Variants in DPP10 observed in about 807,000 individuals in gnomAD.
DPP10 encodes dipeptidyl peptidase like 10.
DPP10 carries 33 observed loss-of-function variants against 120.9 expected under a neutral mutation model. The ratio of observed to expected loss-of-function variants is 0.27; its 90% confidence interval spans 0.21 to 0.37. The LOEUF (loss-of-function observed/expected upper bound fraction) is 0.37, where lower values mean the gene tolerates loss of function less well. Ranked by LOEUF, DPP10 falls within the 10% of genes least tolerant of loss-of-function variation. The probability of loss-of-function intolerance (pLI) is 1.00; values close to 1 mark genes in which losing one functional copy is unlikely to be tolerated. For missense variants in DPP10, 816 were observed against 942.8 expected, an observed-to-expected ratio of 0.87 and a Z score of 1.76; for synonymous variants, 337 against 326.1, an observed-to-expected ratio of 1.03 and a Z score of -0.36.
intron 5 of DPP10, among the ~76,000 whole-genome samples, chr2:115,627,402 C>CAGGTTA (rs1475137910): frequency 2.0e-5 from 3 of 152,104 alleles, no homozygotes; most frequent in African/African-American, 7.2e-5. Flanking sequence ...ACAGGTTGCA[C>CAGGTTA]TTGGGAACAA....
chr2:114,780,364 C>T (rs1000970371), intron 1 of DPP10, among the ~76,000 whole-genome samples: 1 of 152,080 alleles, frequency 6.6e-6, no homozygotes, highest in African/African-American at 2.4e-5. Context: ...CATGTGTGAT[C>T]TTTATATTCT....
rs78262471 is a variant in DPP10, at chr2:115,245,684, T to C, written c.61-63555T>C. Among the ~76,000 whole-genome samples, 216 of 152,268 alleles carry C rather than the reference T, an allele frequency of 1.4e-3. 2 individuals are homozygous for C. Among genetic ancestry groups the C allele is most frequent in the African/African-American group, 4.6e-3 (193 of 41,560 alleles). ...AGAAAAAAAGACCCTTGCACATGCA[T>C]GTTTATACCATTGCTTTTAGATTTT... On this transcript the variant is annotated intron_variant, in intron 1 of 25. Transcript: ENST00000410059.
chr2:115,675,967 G>A (rs994665798), intron 5 of DPP10, among the ~76,000 whole-genome samples: 12 of 152,158 alleles, frequency 7.9e-5, no homozygotes, highest in Non-Finnish European at 1.8e-4. Flanking sequence ...AGCTGTGACT[G>A]TTGTACTGAA....
chr2:115,354,692 C>T lies in DPP10; in HGVS notation c.271+10780C>T, dbSNP rs146959875. 5.3e-3 allele frequency among the ~76,000 whole-genome samples: 809 copies of T among 151,830 alleles called. 8 individuals are homozygous for T. Among genetic ancestry groups the T allele is most frequent in the Middle Eastern group, 0.021 (6 of 292 alleles). ...ACCTACTGATTTGTCCTCTAAGTTC[C>T]CTCCCCTCGCCCCCCACCCAACAAT... On this transcript the variant is annotated intron_variant, in intron 3 of 25. Transcript: ENST00000410059.
At chr2:115,825,510 C>G (rs1688218684) in intron 21 of DPP10, among the ~76,000 whole-genome samples, 1 of 152,068 alleles carries the variant, frequency 6.6e-6, no homozygotes, top group South Asian at 2.1e-4. Flanking sequence ...TTTTTTGTTG[C>G]AGAGACATTT....
At chr2:114,812,516 A>G (rs1336012174) in intron 1 of DPP10, among the ~76,000 whole-genome samples, 3 of 150,962 alleles carry the variant, frequency 2.0e-5, no homozygotes, top group Non-Finnish European at 4.4e-5. Flanking sequence ...TGAGCCTAGG[A>G]GTTTGAGACT....
intron 19 of DPP10, among the ~76,000 whole-genome samples, chr2:115,808,005 C>A (rs1421082470): frequency 6.8e-6 from 1 of 146,712 alleles, no homozygotes. Flanking sequence ...AGTTCAGAGG[C>A]ACTCTGGATT....
chr2:115,777,994 T>C (rs1682320908), intron 15 of DPP10, among the ~76,000 whole-genome samples, 160 bp downstream of exon 15: 1 of 152,106 alleles, frequency 6.6e-6, no homozygotes, highest in Non-Finnish European at 1.5e-5. Flanking sequence ...AGTCTCTCCC[T>C]TGACAGGACT....
At chr2:115,205,360 ATTAC>A (rs765623483) in intron 1 of DPP10, among the ~76,000 whole-genome samples, 3 of 152,038 alleles carry the variant, frequency 2.0e-5, no homozygotes, top group Non-Finnish European at 4.4e-5. Context: ...TTTTTTCTTT[ATTAC>A]TTATTTCTGT....
rs2079946218 is a variant in DPP10 at position 115,552,644 on chromosome 2, T to C, written c.441+26672T>C. ...TGATAAAACAGGGGCAAATTTTTAA[T>C]AATTTTTAAATGTGTTTTTGTTGAC... On this transcript the variant is annotated intron_variant, in intron 5 of 25. Transcript: ENST00000410059. Among the ~76,000 whole-genome samples, 4 of 152,168 alleles carry C rather than the reference T, an allele frequency of 2.6e-5. No homozygotes were observed. In the Middle Eastern group the frequency reaches 0.01, roughly 388 times the overall value.
intron 5 of DPP10, among the ~76,000 whole-genome samples, chr2:115,566,431 G>GTGTT (rs1311771296): frequency 2.0e-5 from 3 of 151,672 alleles, no homozygotes; most frequent in East Asian, 3.9e-4. Context: ...ATTCATTCAT[G>GTGTT]TGTTTATTTA....
intron 1 of DPP10, among the ~76,000 whole-genome samples, chr2:114,756,949 G>A (rs1409847205): frequency 6.6e-6 from 1 of 152,046 alleles, no homozygotes; most frequent in African/African-American, 2.4e-5. Context: ...TTACATATGA[G>A]GTTACACAGT....
At chr2:114,692,813 T>C (rs1328639015) in intron 1 of DPP10, among the ~76,000 whole-genome samples, 1 of 152,152 alleles carries the variant, frequency 6.6e-6, no homozygotes, top group Non-Finnish European at 1.5e-5. Flanking sequence ...CTTGCTTAAT[T>C]GAACCCTTTA....
intron 2 of DPP10, among the ~76,000 whole-genome samples, chr2:115,337,386 A>G (rs76409100): frequency 0.027 from 4,149 of 152,176 alleles, 191 homozygotes; most frequent in African/African-American, 0.094. Flanking sequence ...AAAAGATGCT[A>G]TTAATACATT....
intron 1 of DPP10, among the ~76,000 whole-genome samples, chr2:114,993,567 T>A (rs1700877010): frequency 1.8e-5 from 1 of 56,648 alleles, no homozygotes; most frequent in South Asian, 6.8e-4. Flanking sequence ...TCTTATTATG[T>A]GTGTGTGTGT....
At chr2:114,545,672 T>C (rs962630511) in intron 1 of DPP10, among the ~76,000 whole-genome samples, 2 of 152,190 alleles carry the variant, frequency 1.3e-5, no homozygotes, top group African/African-American at 4.8e-5. Flanking sequence ...CAGTCTAAGT[T>C]TTACCCACTC....
intron 1 of DPP10, among the ~76,000 whole-genome samples, chr2:115,084,668 A>T (rs370892399): frequency 1.3e-5 from 2 of 152,340 alleles, no homozygotes; most frequent in East Asian, 3.9e-4. Flanking sequence ...TGAAGAGCTG[A>T]AATCTCTCCC....
intron 3 of DPP10, among the ~76,000 whole-genome samples, chr2:115,450,125 A>G (rs571351226): frequency 4.5e-4 from 68 of 152,088 alleles, no homozygotes; most frequent in Non-Finnish European, 8.2e-4. Flanking sequence ...TCATAAGTCA[A>G]AAATGCGTTA....
At chr2:114,671,137 A>G (rs10194660) in intron 1 of DPP10, among the ~76,000 whole-genome samples, 49,896 of 151,946 alleles carry the variant, frequency 0.33, 11,117 homozygotes, top group African/African-American at 0.63. Flanking sequence ...GGGTTTAAGA[A>G]GGATTAAAAT....
Sources: allele counts gnomAD v4.1 joint callset (sites outside exome capture counted in the v4.1 genomes callset), GRCh38; gene constraint gnomAD v4.1.1; transcripts MANE v1.5; gene names NCBI Gene and HGNC (gene_info 2026-07-23, HGNC 2026-07-21).